The following UGT2A3 variants were observed in gnomAD, a reference collection of about 807,000 sequenced individuals.
The protein encoded by UGT2A3 is UDP-glucuronosyltransferase 2A3.
Under a neutral mutation model 44.1 loss-of-function variants are expected in UGT2A3, and 55 were observed. The ratio of observed to expected loss-of-function variants is 1.25; its 90% confidence interval spans 1.00 to 1.56. UGT2A3 has a LOEUF of 1.56. UGT2A3 is among the 40% of genes most tolerant of loss of function. The probability of loss-of-function intolerance (pLI) is 0.00; values close to 1 mark genes in which losing one functional copy is unlikely to be tolerated. For synonymous variants in UGT2A3, 243 were observed against 215.1 expected (o/e 1.13, Z -1.13); for missense variants, 733 against 621.6 (o/e 1.18, Z -1.91).
chr4:68,944,313 C>T (rs1035546394), intron 2 of UGT2A3, among the ~76,000 whole-genome samples: 1 of 151,750 alleles, frequency 6.6e-6, no homozygotes, highest in Non-Finnish European at 1.5e-5. Flanking sequence ...AGGCATTAGG[C>T]TGTTCATCAG....
chr4:68,944,205 A>G (rs1395749876), intron 2 of UGT2A3, among the ~76,000 whole-genome samples: 1 of 151,836 alleles, frequency 6.6e-6, no homozygotes, highest in African/African-American at 2.4e-5. Flanking sequence ...TTACCTTTGT[A>G]GGGATAAAGA....
chr4:68,949,247 T>C (rs565701569), intron 1 of UGT2A3, among the ~76,000 whole-genome samples: 1 of 151,944 alleles, frequency 6.6e-6, no homozygotes, highest in African/African-American at 2.4e-5. Context: ...ACTTATTCCT[T>C]TATATTTTTG....
rs1577843886 is a variant in UGT2A3, at chr4:68,931,313, T to G, written c.997-71A>C. 6 of 1,227,668 alleles carry G rather than the reference T, an allele frequency of 4.9e-6. No individual in the cohort carries two copies. The East Asian group carries it at 1.5e-4, about 30-fold the overall frequency. 76.0% of individuals were successfully genotyped at this position (1,227,668 alleles called of 1,614,324 possible). A position where few individuals can be genotyped will look rare whatever the true frequency, so the allele number is the denominator to read the frequency against. ...TAGCATTCTAAGGATGTAGATATAG[T>G]TATAAATTATAAACTCATTGTACTT... On this transcript the variant is annotated intron_variant, in intron 3 of 5. Coordinates refer to ENST00000251566, the MANE Select transcript of UGT2A3 (RefSeq NM_024743.4).
intron 2 of UGT2A3, among the ~76,000 whole-genome samples, chr4:68,938,785 T>C (rs1718068989): frequency 6.6e-6 from 1 of 152,190 alleles, no homozygotes; most frequent in African/African-American, 2.4e-5. Flanking sequence ...GATGACATTA[T>C]TGGATATTTA....
At chr4:68,932,509 A>C in intron 3 of UGT2A3, 119 bp downstream of exon 3, 2 of 1,180,108 alleles carry the variant, frequency 1.7e-6, no homozygotes, top group Non-Finnish European at 2.4e-6. Context: ...CACTACTATA[A>C]TGTTTTGCAA....
intron 1 of UGT2A3, among the ~76,000 whole-genome samples, chr4:68,950,531 A>C (rs1718543412): frequency 6.6e-6 from 1 of 151,886 alleles, no homozygotes; most frequent in Non-Finnish European, 1.5e-5. Context: ...TAAAAATTCT[A>C]CTATCTTATG....
chr4:68,938,116 A>G (rs1011579825), intron 2 of UGT2A3, among the ~76,000 whole-genome samples: 2 of 152,024 alleles, frequency 1.3e-5, no homozygotes, highest in Non-Finnish European at 2.9e-5. Context: ...CAGCTGAATT[A>G]TATCAGAGGT....
rs1435174496 is a variant in UGT2A3 at position 68,928,766 on chromosome 4, T to C, written c.*1047A>G. ...TTGTGTAGAGCTTTACATATCAAAA[T>C]ATTTAATATATAATACTATTTGTTA... is the stretch of plus-strand genomic sequence containing the variant. On this transcript the variant is annotated 3_prime_UTR_variant, in exon 6 of 6. Transcript: ENST00000251566. 6.6e-6 allele frequency: 1 copy of C among 151,824 alleles called. No individual in the cohort carries two copies. The highest frequency in any genetic ancestry group is 2.4e-5 in the African/African-American group (1 of 41,402). 9.4% of individuals were successfully genotyped at this position (151,824 alleles called of 1,614,324 possible). A position where few individuals can be genotyped will look rare whatever the true frequency, so the allele number is the denominator to read the frequency against.
rs1207139460 is a variant in UGT2A3, at chr4:68,934,645, A to G, written c.865-1886T>C. On this transcript the variant is annotated intron_variant, in intron 2 of 5. Transcript: ENST00000251566. ...CCAGCATTTTCAGAGACAGAGGCTG[A>G]AGAATCACTTGAAGCCCAAAGATTG... Among the ~76,000 whole-genome samples the G allele has an allele frequency of 2.0e-5, 3 of 151,966 alleles. No homozygotes were observed. In the East Asian group the frequency reaches 5.8e-4, roughly 30 times the overall value.
chr4:68,931,882 G>A (rs749438688), intron 3 of UGT2A3, among the ~76,000 whole-genome samples: 6 of 151,740 alleles, frequency 4.0e-5, no homozygotes, highest in Non-Finnish European at 5.9e-5. Flanking sequence ...AACAAAGAAC[G>A]GCATAGATGT....
intron 2 of UGT2A3, among the ~76,000 whole-genome samples, chr4:68,934,120 GA>G (rs1717847703): frequency 6.6e-6 from 1 of 151,806 alleles, no homozygotes; most frequent in Non-Finnish European, 1.5e-5. Context: ...CAAAAGTTTT[GA>G]AAATGCTTAA....
chr4:68,930,660 T>A lies in UGT2A3; in HGVS notation c.1190A>T (p.Gln397Leu). ...PMVGVPIFGD[Q>L]LDNIAHMKAK... ...CTTCATGTGAGCTATGTTATCAAGCTGATCACCAAATATGGGAACTCCCAC... is the reference window on the plus strand; with the variant it reads ...CTTCATGTGAGCTATGTTATCAAGCAGATCACCAAATATGGGAACTCCCAC... The change falls in exon 5 of 6, where the codon CAG becomes CTG. Residue 397 changes from glutamine (Q) to leucine (L), a missense_variant. By Grantham distance (113) the Gln-to-Leu change is moderately radical. Coordinates refer to ENST00000251566, the MANE Select transcript of UGT2A3 (RefSeq NM_024743.4). The A allele has an allele frequency of 6.2e-7, 1 of 1,613,570 alleles. No homozygotes were observed. Among genetic ancestry groups the A allele is most frequent in the South Asian group, 1.1e-5 (1 of 91,054 alleles).
chr4:68,945,414 C>G lies in UGT2A3; in HGVS notation c.756G>C (p.Glu252Asp). The change falls in exon 2 of 6, where the codon GAG (glutamate) becomes GAC (aspartate). Residue 252 changes from glutamate to aspartate, a missense_variant. Coordinates refer to ENST00000251566, the MANE Select transcript of UGT2A3 (RefSeq NM_024743.4). ...CCCAATATGTTCGTATTAGCCATATCTCAGCTTTTCCCACAGTCTCACATA... is the reference window on the plus strand; with the variant it reads ...CCCAATATGTTCGTATTAGCCATATGTCAGCTTTTCCCACAGTCTCACATA... ...TTLCETVGKA[E>D]IWLIRTYWDF... 6.2e-7 allele frequency: 1 copy of G among 1,611,122 alleles called. No individual in the cohort carries two copies. Among genetic ancestry groups the G allele is most frequent in the Non-Finnish European group, 8.5e-7 (1 of 1,178,340 alleles).
chr4:68,945,351 C>A lies in UGT2A3; in HGVS notation c.819G>T (p.Glu273Asp). 6.2e-7 allele frequency: 1 copy of A among 1,611,508 alleles called. No homozygotes were observed. The highest frequency in any genetic ancestry group is 8.5e-7 in the Non-Finnish European group (1 of 1,178,524). ...GTTTACAGTGCAATCCTCCAACAAACTCAAAGTTAGGTTGGTATGGTTGAG... is the reference window on the plus strand; with the variant it reads ...GTTTACAGTGCAATCCTCCAACAAAATCAAAGTTAGGTTGGTATGGTTGAG... The part of the protein sequence containing the change: ...EFPQPYQPNF[E>D]FVGGLHCKPA... The change falls in exon 2 of 6, where the codon GAG (glutamate) becomes GAT (aspartate). Residue 273 changes from glutamate (E) to aspartate (D), a missense_variant. Glu to Asp is a conservative substitution (Grantham distance 45). Transcript: ENST00000251566.
chr4:68,944,191 G>A (rs1325715866), intron 2 of UGT2A3, among the ~76,000 whole-genome samples: 1 of 151,796 alleles, frequency 6.6e-6, no homozygotes, highest in Non-Finnish European at 1.5e-5. Flanking sequence ...TTCCTATAAT[G>A]TGGTTACCTT....
Position 68,942,428 on chromosome 4 carries a change from C to A in UGT2A3, c.864+2878G>T, listed in dbSNP as rs556049684. Among the ~76,000 whole-genome samples the A allele has an allele frequency of 2.8e-5, 4 of 142,304 alleles. No individual in the cohort carries two copies. The East Asian group carries it at 8.3e-4, about 29-fold the overall frequency. 93.4% of individuals were successfully genotyped at this position (142,304 alleles called of 152,430 possible). A position where few individuals can be genotyped will look rare whatever the true frequency, so the allele number is the denominator to read the frequency against. On this transcript the variant is annotated intron_variant, in intron 2 of 5. Coordinates refer to ENST00000251566, the MANE Select transcript of UGT2A3 (RefSeq NM_024743.4). ...TTTCTATTCCATTATATATATATATCCATTCCATTAGATATATATAAGCTT... is the reference window on the plus strand; with the variant it reads ...TTTCTATTCCATTATATATATATATACATTCCATTAGATATATATAAGCTT...
rs761364252 is a variant in UGT2A3 at position 68,945,446 on chromosome 4, T to C, written c.724A>G (p.Thr242Ala). ...EFYSKALGRP[T>A]TLCETVGKAE... is the part of the protein sequence containing the mutation. The stretch of plus-strand genomic sequence containing the variant: ...TTTCCCACAGTCTCACATAATGTAG[T>C]GGGCCTTCCTCAATAAAAGAAATAA... The change falls in exon 2 of 6, where the codon ACT (threonine) becomes GCT (alanine). Residue 242 changes from threonine (T) to alanine (A), a missense_variant. Physicochemically the swap from Thr to Ala is moderately conservative, Grantham distance 58. Transcript: ENST00000251566. The C allele has an allele frequency of 4.6e-5, 73 of 1,601,306 alleles. No individual in the cohort carries two copies. In the South Asian group the frequency reaches 7.0e-4, roughly 15 times the overall value.
At chr4:68,934,077 C>G (rs1717845989) in intron 2 of UGT2A3, among the ~76,000 whole-genome samples, 1 of 151,826 alleles carries the variant, frequency 6.6e-6, no homozygotes, top group South Asian at 2.1e-4. Flanking sequence ...TATGACATCT[C>G]TAAAATAAAC....
Position 68,930,451 on chromosome 4 carries a change from C to T in UGT2A3, c.1304+95G>A, listed in dbSNP as rs1717686955. On this transcript the variant is annotated intron_variant, in intron 5 of 5. Coordinates refer to ENST00000251566, the MANE Select transcript of UGT2A3 (RefSeq NM_024743.4). ...TGACTCAATATTGTGGAGTAAAATC[C>T]CTCAACATGTCTACCAGGATGATAT... The T allele has an allele frequency of 1.7e-6, 2 of 1,191,350 alleles. 1 individual carries two copies. The highest frequency in any genetic ancestry group is 3.3e-5 in the South Asian group (2 of 60,128). 73.8% of individuals were successfully genotyped at this position (1,191,350 alleles called of 1,614,324 possible). A position where few individuals can be genotyped will look rare whatever the true frequency, so the allele number is the denominator to read the frequency against.
Sources: allele counts gnomAD v4.1 joint callset (sites outside exome capture counted in the v4.1 genomes callset), GRCh38; gene constraint gnomAD v4.1.1; transcripts MANE v1.5; gene names NCBI Gene and HGNC (gene_info 2026-07-23, HGNC 2026-07-21).